DNAJB14: variants seen among roughly 807,000 people sequenced by gnomAD.
The protein encoded by DNAJB14 is DnaJ heat shock protein family (Hsp40) member B14.
A neutral mutation model predicts 48.4 loss-of-function variants in DNAJB14; 22 were observed. The observed-to-expected ratio is 0.45, with a 90% CI of 0.32 to 0.65. The LOEUF is 0.65. Ranked by LOEUF, DNAJB14 falls within the 30% of genes least tolerant of loss-of-function variation. The pLI is 0.03. For synonymous variants in DNAJB14, 142 were observed against 158.7 expected (o/e 0.89, Z 0.79); for missense variants, 319 against 458.8 (o/e 0.70, Z 2.78).
At chr4:99,943,268 AT>A (rs1255711685) in intron 1 of DNAJB14, among the ~76,000 whole-genome samples, 2 of 152,206 alleles carry the variant, frequency 1.3e-5, no homozygotes, top group Non-Finnish European at 2.9e-5. Context: ...CTACACAGTT[AT>A]CCCCTATCAC....
At chr4:99,906,131 T>C (rs1303945141) in intron 5 of DNAJB14, 1 of 1,315,134 alleles carries the variant, frequency 7.6e-7, no homozygotes, top group Admixed American at 2.3e-5. Context: ...CCATTTACCT[T>C]TCCACTTCAT....
chr4:99,910,960 T>C (rs1341820242), intron 3 of DNAJB14, among the ~76,000 whole-genome samples: 2 of 152,022 alleles, frequency 1.3e-5, no homozygotes, highest in Non-Finnish European at 2.9e-5. Context: ...GACACTGATA[T>C]AGTCAGGATA....
At chr4:99,927,917 C>T (rs896579670) in intron 2 of DNAJB14, 7 of 152,112 alleles carry the variant, frequency 4.6e-5, no homozygotes, top group African/African-American at 1.7e-4. Flanking sequence ...ACTAAAGCAA[C>T]ACTTATGAAG....
At chr4:99,909,045 G>T in intron 3 of DNAJB14, 149 bp from the exon 4 acceptor site, 1 of 497,556 alleles carries the variant, frequency 2.0e-6, no homozygotes, top group Non-Finnish European at 3.3e-6. Flanking sequence ...GATATACATT[G>T]TTTGCAATTA....
At chr4:99,904,946 G>A (rs1725413720) in intron 6 of DNAJB14, among the ~76,000 whole-genome samples, 1 of 151,916 alleles carries the variant, frequency 6.6e-6, no homozygotes, top group South Asian at 2.1e-4. Context: ...AAGAAATAAG[G>A]TAATTGTTAT....
chr4:99,908,632 T>C, intron 4 of DNAJB14, 79 bp downstream of exon 4: 1 of 1,086,482 alleles, frequency 9.2e-7, no homozygotes, highest in Non-Finnish European at 1.3e-6. Flanking sequence ...AAAAGGTAGA[T>C]ACATCTCTAA....
rs1725261243 is a variant in DNAJB14 at position 99,900,473 on chromosome 4, A to G, written c.*555T>C. ...AAAAATATCAATTCCCTCTAAGCTGATAATACTATAAGATTTTACACAAAG... is the reference window on the plus strand; with the variant it reads ...AAAAATATCAATTCCCTCTAAGCTGGTAATACTATAAGATTTTACACAAAG... On this transcript the variant is annotated 3_prime_UTR_variant, in exon 8 of 8. Coordinates refer to ENST00000442697, the MANE Select transcript of DNAJB14 (RefSeq NM_001031723.4). The G allele has an allele frequency of 6.6e-6, 1 of 152,060 alleles. No individual in the cohort carries two copies. 9.4% of individuals were successfully genotyped at this position (152,060 alleles called of 1,614,324 possible). A position where few individuals can be genotyped will look rare whatever the true frequency, so the allele number is the denominator to read the frequency against.
intron 1 of DNAJB14, among the ~76,000 whole-genome samples, chr4:99,931,456 T>G (rs1726463820): frequency 6.6e-6 from 1 of 151,952 alleles, no homozygotes; most frequent in African/African-American, 2.4e-5. Context: ...AAACTTTCCA[T>G]AATAAAAGTT....
chr4:99,928,409 C>T (rs963456691), intron 2 of DNAJB14: 1 of 227,850 alleles, frequency 4.4e-6, no homozygotes, highest in African/African-American at 2.3e-5. Context: ...CACTCAGCAT[C>T]ATCTTTCATT....
intron 3 of DNAJB14, among the ~76,000 whole-genome samples, chr4:99,919,883 T>C (rs942452561): frequency 6.6e-6 from 1 of 152,214 alleles, no homozygotes; most frequent in Non-Finnish European, 1.5e-5. Flanking sequence ...TCTTTAACCA[T>C]AGAAATCATG....
intron 5 of DNAJB14, 107 bp from the exon 6 acceptor site, chr4:99,905,813 G>A: frequency 7.7e-7 from 1 of 1,306,502 alleles, no homozygotes; most frequent in Middle Eastern, 2.2e-4. Flanking sequence ...AGATCATCTA[G>A]TTCAGTGCTT....
chr4:99,922,948 A>G (rs1393984742), intron 3 of DNAJB14, 92 bp downstream of exon 3: 38 of 1,345,166 alleles, frequency 2.8e-5, no homozygotes, highest in Non-Finnish European at 3.5e-5. Flanking sequence ...CTCTAAATGC[A>G]CCAGTCCAAA....
intron 5 of DNAJB14, 78 bp from the exon 6 acceptor site, chr4:99,905,784 G>T: frequency 6.8e-7 from 1 of 1,461,670 alleles, no homozygotes; most frequent in Non-Finnish European, 9.5e-7. Flanking sequence ...CATACATTTT[G>T]AGGCAGAAAG....
At chr4:99,902,583 A>G (rs1725331744) in intron 7 of DNAJB14, among the ~76,000 whole-genome samples, 1 of 152,152 alleles carries the variant, frequency 6.6e-6, no homozygotes, top group African/African-American at 2.4e-5. Context: ...CTCTCTTAGA[A>G]GTTACATTTT....
chr4:99,921,947 C>G (rs1726077041), intron 3 of DNAJB14, among the ~76,000 whole-genome samples: 1 of 152,062 alleles, frequency 6.6e-6, no homozygotes, highest in Non-Finnish European at 1.5e-5. Context: ...AATAATGGCA[C>G]TATTTTCTGG....
intron 1 of DNAJB14, 50 bp from the exon 2 acceptor site, chr4:99,930,671 C>A: frequency 6.6e-7 from 1 of 1,519,528 alleles, no homozygotes; most frequent in Non-Finnish European, 8.8e-7. Context: ...CGTACATACA[C>A]AAGATCCTGA....
intron 2 of DNAJB14, chr4:99,926,324 A>C: frequency 6.6e-6 from 1 of 152,258 alleles, no homozygotes; most frequent in Non-Finnish European, 1.5e-5. Flanking sequence ...ATGACTTTCA[A>C]TTTGAGAGCA....
chr4:99,903,432 C>T (rs948199299), intron 7 of DNAJB14, among the ~76,000 whole-genome samples: 2 of 151,182 alleles, frequency 1.3e-5, no homozygotes, highest in African/African-American at 4.9e-5. Context: ...CTTGGTGGTA[C>T]ATAAAAGAAT....
intron 3 of DNAJB14, among the ~76,000 whole-genome samples, chr4:99,917,437 A>C (rs1402770516): frequency 6.6e-6 from 1 of 152,160 alleles, no homozygotes; most frequent in Non-Finnish European, 1.5e-5. Flanking sequence ...TCTGGTTCAC[A>C]AATGGTTCCT....
Sources: gnomAD v4.1 joint callset for allele counts (sites outside exome capture counted in the v4.1 genomes callset) on GRCh38, gnomAD v4.1.1 for gene constraint, MANE v1.5 for transcripts, NCBI Gene and HGNC (gene_info 2026-07-23, HGNC 2026-07-21) for gene names.